Variants in TMEM117 observed in about 807,000 individuals in gnomAD.
The protein encoded by TMEM117 is transmembrane protein 117.
Under a neutral mutation model 52.4 loss-of-function variants are expected in TMEM117, and 27 were observed. The observed-to-expected ratio is 0.51, with a 90% CI of 0.38 to 0.71. TMEM117 has a LOEUF of 0.71. Ranked by LOEUF, TMEM117 falls within the 30% of genes least tolerant of loss-of-function variation. TMEM117 has a pLI of 0.00. For synonymous variants in TMEM117, 215 were observed against 206.3 expected (o/e 1.04, Z -0.36); for missense variants, 556 against 630.5 (o/e 0.88, Z 1.26).
rs557364839 is a variant in TMEM117, at chr12:44,221,155, G to A, written c.608+9768G>A. On this transcript the variant is annotated intron_variant, in intron 5 of 7. Transcript: ENST00000266534. ...CTTAAAGTTATCAGTGATAAGTCAT[G>A]TTGATAGAATGTAGGTTATACATCT... Among the ~76,000 whole-genome samples the A allele has an allele frequency of 2.0e-4, 30 of 152,236 alleles. No homozygotes were observed. In the South Asian group the frequency reaches 4.6e-3, roughly 23 times the overall value.
At chr12:44,106,820 G>T (rs1248750638) in intron 3 of TMEM117, among the ~76,000 whole-genome samples, 1 of 151,884 alleles carries the variant, frequency 6.6e-6, no homozygotes, top group Non-Finnish European at 1.5e-5. Flanking sequence ...ACAGTGAATA[G>T]TACATTGAAT....
chr12:44,061,033 T>C (rs1947131270), intron 3 of TMEM117, among the ~76,000 whole-genome samples: 2 of 152,156 alleles, frequency 1.3e-5, no homozygotes, highest in East Asian at 3.8e-4. Context: ...AACAACCCAA[T>C]TAAGTAGACA....
At chr12:43,814,988 G>A in the TMEM117 span, among the ~76,000 whole-genome samples, 3,112 of 151,926 alleles carry the variant, frequency 0.02, 49 homozygotes, top group Non-Finnish European at 0.032. Context: ...CAGGTGATCC[G>A]CCCGCCTCGG....
At chr12:43,880,318 A>G (rs1375684316) in intron 2 of TMEM117, among the ~76,000 whole-genome samples, 3 of 152,192 alleles carry the variant, frequency 2.0e-5, no homozygotes, top group East Asian at 1.9e-4. Context: ...TTTGAATACA[A>G]TAACATAAAA....
intron 3 of TMEM117, among the ~76,000 whole-genome samples, chr12:44,104,434 T>A (rs994772794): frequency 9.2e-5 from 14 of 151,974 alleles, no homozygotes; most frequent in African/African-American, 3.1e-4. Context: ...CTGTCATAAA[T>A]ATTTATTGAG....
At chr12:43,867,019 G>T (rs1245386326) in intron 2 of TMEM117, among the ~76,000 whole-genome samples, 1 of 152,100 alleles carries the variant, frequency 6.6e-6, no homozygotes, top group African/African-American at 2.4e-5. Flanking sequence ...GAACCCAGGA[G>T]GCAGAGGTTG....
chr12:44,382,518 T>C (rs182801400), intron 7 of TMEM117, among the ~76,000 whole-genome samples: 2 of 152,322 alleles, frequency 1.3e-5, no homozygotes, highest in South Asian at 2.1e-4. Context: ...AGTTAATATG[T>C]GTCAAAAACT....
chr12:43,814,626 G>A, the TMEM117 span, among the ~76,000 whole-genome samples: 699 of 152,112 alleles, frequency 4.6e-3, 7 homozygotes, highest in African/African-American at 0.016. Context: ...CATTTATTGA[G>A]CACTGCAGCT....
At chr12:44,334,440 C>T (rs2138733065) in intron 6 of TMEM117, among the ~76,000 whole-genome samples, 1 of 152,094 alleles carries the variant, frequency 6.6e-6, no homozygotes, top group South Asian at 2.1e-4. Flanking sequence ...ACATGATTGT[C>T]GTTGAGGCTC....
intron 5 of TMEM117, among the ~76,000 whole-genome samples, chr12:44,223,862 G>C (rs1949823480): frequency 6.6e-6 from 1 of 152,174 alleles, no homozygotes; most frequent in Admixed American, 6.6e-5. Context: ...GCCAAGAGAA[G>C]CTTCTGAAAA....
intron 3 of TMEM117, among the ~76,000 whole-genome samples, chr12:43,956,180 A>G (rs1316931541): frequency 6.6e-6 from 1 of 152,226 alleles, no homozygotes; most frequent in Non-Finnish European, 1.5e-5. Flanking sequence ...ACCCAAAACT[A>G]TAAAAACCCT....
intron 5 of TMEM117, 82 bp downstream of exon 5, chr12:44,211,469 T>A: frequency 1.1e-6 from 1 of 929,320 alleles, no homozygotes; most frequent in Non-Finnish European, 1.7e-6. Context: ...TCCTTACAAT[T>A]ATAGAATTCT....
intron 3 of TMEM117, among the ~76,000 whole-genome samples, chr12:43,976,959 A>G (rs149033379): frequency 5.9e-5 from 9 of 152,284 alleles, no homozygotes; most frequent in Non-Finnish European, 1.2e-4. Context: ...CCTCAGTTCA[A>G]TGTGTGCCGT....
chr12:44,177,833 T>C (rs966992589), intron 4 of TMEM117, among the ~76,000 whole-genome samples: 1 of 152,172 alleles, frequency 6.6e-6, no homozygotes, highest in Admixed American at 6.5e-5. Flanking sequence ...AATGGAAATC[T>C]CATTACCTCA....
intron 6 of TMEM117, among the ~76,000 whole-genome samples, chr12:44,310,410 G>A (rs962116807): frequency 2.0e-5 from 3 of 152,136 alleles, no homozygotes; most frequent in South Asian, 4.1e-4. Flanking sequence ...AGGCCGAGGC[G>A]GGTGGATCAC....
At chr12:44,204,404 G>T (rs986858148) in intron 4 of TMEM117, among the ~76,000 whole-genome samples, 1 of 152,066 alleles carries the variant, frequency 6.6e-6, no homozygotes, top group Non-Finnish European at 1.5e-5. Context: ...AAACACTTTT[G>T]AAAGAAATCA....
intron 3 of TMEM117, among the ~76,000 whole-genome samples, chr12:44,097,720 T>A (rs1465107673): frequency 3.7e-5 from 2 of 53,502 alleles, no homozygotes; most frequent in African/African-American, 9.1e-5. Context: ...TGTTGTGGGG[T>A]GGGGGGATGG....
At chr12:44,084,892 A>G (rs1947541288) in intron 3 of TMEM117, among the ~76,000 whole-genome samples, 1 of 152,230 alleles carries the variant, frequency 6.6e-6, no homozygotes, top group Admixed American at 6.5e-5. Context: ...TTTCTGAAGA[A>G]TAAGTAAACT....
chr12:44,229,997 T>C (rs1949912116), intron 5 of TMEM117, among the ~76,000 whole-genome samples: 1 of 152,118 alleles, frequency 6.6e-6, no homozygotes, highest in African/African-American at 2.4e-5. Context: ...CTGATGTATA[T>C]GCTAATGGTG....
Sources: gnomAD v4.1 joint callset for allele counts (sites outside exome capture counted in the v4.1 genomes callset) on GRCh38, gnomAD v4.1.1 for gene constraint, MANE v1.5 for transcripts, NCBI Gene and HGNC (gene_info 2026-07-23, HGNC 2026-07-21) for gene names.